Variants in KCNIP1 observed in about 807,000 individuals in gnomAD.
KCNIP1 encodes the protein potassium voltage-gated channel interacting protein 1, also known as A-type potassium channel modulatory protein KCNIP1.
Under a neutral mutation model 33.0 loss-of-function variants are expected in KCNIP1, and 18 were observed. The observed-to-expected ratio is 0.55, with a 90% confidence interval of 0.38 to 0.81. The LOEUF (loss-of-function observed/expected upper bound fraction) is 0.81, where lower values mean the gene tolerates loss of function less well. Ranked by LOEUF, KCNIP1 falls within the 30% of genes least tolerant of loss-of-function variation. The pLI is 0.00. For missense variants in KCNIP1, 238 were observed against 271.6 expected, an observed-to-expected ratio of 0.88 and a Z score of 0.87; for synonymous variants, 93 against 98.3, an observed-to-expected ratio of 0.95 and a Z score of 0.32.
intron 1 of KCNIP1, among the ~76,000 whole-genome samples, chr5:170,715,675 C>A (rs553842302): frequency 6.6e-6 from 1 of 152,196 alleles, no homozygotes; most frequent in Non-Finnish European, 1.5e-5. Context: ...GGCATGAGAA[C>A]GCTGAATGGC....
At chr5:170,545,305 T>C (rs1756370243) in intron 1 of KCNIP1, among the ~76,000 whole-genome samples, 1 of 152,220 alleles carries the variant, frequency 6.6e-6, no homozygotes, top group Non-Finnish European at 1.5e-5. Context: ...GAACTTCTCT[T>C]TACCTTTGTT....
At chr5:170,589,246 G>A (rs910710843) in intron 1 of KCNIP1, among the ~76,000 whole-genome samples, 55 of 151,998 alleles carry the variant, frequency 3.6e-4, no homozygotes, top group East Asian at 5.8e-4. Flanking sequence ...TGATCCACCC[G>A]CCTCGGCCTC....
At chr5:170,657,391 T>C (rs1046501239) in intron 1 of KCNIP1, among the ~76,000 whole-genome samples, 1 of 152,104 alleles carries the variant, frequency 6.6e-6, no homozygotes. Flanking sequence ...AGCTCTGATT[T>C]CAAGTCCCAG....
In KCNIP1 at chr5:170,685,513, G is replaced by A. The variant is rs181258530; in HGVS notation, c.62-33245G>A. Among the ~76,000 whole-genome samples the A allele has an allele frequency of 3.3e-5, 5 of 151,554 alleles. No individual in the cohort carries two copies. In the East Asian group the frequency reaches 7.8e-4, roughly 24 times the overall value. ...ATAATAAACTTATTTGTTTGAGACC[G>A]AGTCTCACTCTGTCGCCCAGGCTGA... On this transcript the variant is annotated intron_variant, in intron 1 of 7. Transcript: ENST00000328939.
chr5:170,439,059 G>A (rs551185143), intron 1 of KCNIP1, among the ~76,000 whole-genome samples: 1 of 152,236 alleles, frequency 6.6e-6, no homozygotes, highest in South Asian at 2.1e-4. Context: ...TAGTGGTAGG[G>A]TGGAGGGCTA....
At chr5:170,694,776 C>A (rs1267572961) in intron 1 of KCNIP1, among the ~76,000 whole-genome samples, 2 of 152,124 alleles carry the variant, frequency 1.3e-5, no homozygotes, top group African/African-American at 4.8e-5. Context: ...GTGACCATAA[C>A]ATGGCATTGC....
intron 1 of KCNIP1, among the ~76,000 whole-genome samples, chr5:170,676,608 C>T (rs1256652543): frequency 6.6e-6 from 1 of 152,144 alleles, no homozygotes; most frequent in Non-Finnish European, 1.5e-5. Flanking sequence ...TTAGTTTTTC[C>T]AAATGAGGTT....
chr5:170,550,415 C>G lies in KCNIP1; in HGVS notation c.61+45782C>G, dbSNP rs368019033. ...TGATTCATAATCCAGTGAATGTTAA[C>G]AGGAATGACGATGATGATTATGATG... On this transcript the variant is annotated intron_variant, in intron 1 of 7. Transcript: ENST00000328939. Among the ~76,000 whole-genome samples, 37 of 152,158 alleles carry G rather than the reference C, an allele frequency of 2.4e-4. 2 individuals carry two copies. Among genetic ancestry groups the G allele is most frequent in the African/African-American group, 8.9e-4 (37 of 41,502 alleles).
chr5:170,528,829 T>G (rs1323713630), intron 1 of KCNIP1, among the ~76,000 whole-genome samples: 2 of 152,224 alleles, frequency 1.3e-5, no homozygotes, highest in African/African-American at 4.8e-5. Context: ...GCGCTGTCTC[T>G]GTATGCATGT....
chr5:170,669,553 T>C (rs1761838816), intron 1 of KCNIP1: 1 of 985,022 alleles, frequency 1.0e-6, no homozygotes, highest in South Asian at 4.7e-5. Context: ...TTGATGGAAG[T>C]AGCAGGCTTC....
intron 1 of KCNIP1, among the ~76,000 whole-genome samples, chr5:170,362,965 T>C (rs1763554885): frequency 1.3e-5 from 2 of 152,206 alleles, no homozygotes; most frequent in African/African-American, 4.8e-5. Context: ...ACAACATCCC[T>C]GTGCTGATTA....
At chr5:170,725,809 T>A (rs1449550386) in intron 5 of KCNIP1, among the ~76,000 whole-genome samples, 3 of 151,968 alleles carry the variant, frequency 2.0e-5, no homozygotes, top group African/African-American at 7.3e-5. Flanking sequence ...CCACAAAAAT[T>A]AAAAATAAAA....
At chr5:170,625,288 C>T (rs1759778592) in intron 1 of KCNIP1, among the ~76,000 whole-genome samples, 1 of 152,192 alleles carries the variant, frequency 6.6e-6, no homozygotes, top group Admixed American at 6.5e-5. Flanking sequence ...GTACCTGAGG[C>T]TGCCTCCTGG....
intron 1 of KCNIP1, among the ~76,000 whole-genome samples, chr5:170,486,866 G>A: frequency 6.6e-6 from 1 of 152,148 alleles, no homozygotes; most frequent in Admixed American, 6.5e-5. Flanking sequence ...ACACGCCTGT[G>A]TACTTGTCTT....
At chr5:170,466,891 A>G (rs2135023) in intron 1 of KCNIP1, among the ~76,000 whole-genome samples, 13,533 of 152,286 alleles carry the variant, frequency 0.089, 705 homozygotes, top group East Asian at 0.26. Flanking sequence ...TTCAGTCTAT[A>G]GCAGGAGGAA....
chr5:170,625,190 G>C (rs1759773466), intron 1 of KCNIP1, among the ~76,000 whole-genome samples: 1 of 152,100 alleles, frequency 6.6e-6, no homozygotes, highest in African/African-American at 2.4e-5. Flanking sequence ...CTTCTTCAGA[G>C]CCCACGTGGC....
chr5:170,366,130 AG>A (rs1413512218), intron 1 of KCNIP1, among the ~76,000 whole-genome samples: 14 of 152,338 alleles, frequency 9.2e-5, no homozygotes, highest in Non-Finnish European at 1.3e-4. Flanking sequence ...GTTTTATTCT[AG>A]GGAGATGAGA....
chr5:170,707,715 A>G lies in KCNIP1; in HGVS notation c.62-11043A>G, dbSNP rs549377149. Among the ~76,000 whole-genome samples, 24 of 152,258 alleles carry G rather than the reference A, an allele frequency of 1.6e-4. No individual in the cohort carries two copies. In the South Asian group the frequency reaches 2.5e-3, roughly 16 times the overall value. ...GAGAAAGATCTGTCTACTGAAATAC[A>G]CTAAATATTGAAGAATTTCCAAGTC... On this transcript the variant is annotated intron_variant, in intron 1 of 7. Transcript: ENST00000328939.
rs1371663042 is a variant in KCNIP1, at chr5:170,489,223, G to A, written c.88+135259G>A. Reference sequence around the variant, plus strand: ...GGACGATGACTCCATCTGTCACCTCGGCACTTACCCCAAAAGATGGAGGAC... The same window carrying A: ...GGACGATGACTCCATCTGTCACCTCAGCACTTACCCCAAAAGATGGAGGAC... On this transcript the variant is annotated intron_variant, in intron 1 of 7. Transcript: ENST00000377360. This position sits in a 1 kb window ranked among gnomAD's most constrained non-coding sequence, Gnocchi z 4.3. Among the ~76,000 whole-genome samples, 3 of 152,164 alleles carry A rather than the reference G, an allele frequency of 2.0e-5. No homozygotes were observed. The highest frequency in any genetic ancestry group is 4.8e-5 in the African/African-American group (2 of 41,442).
Sources: gnomAD v4.1 joint callset for allele counts (sites outside exome capture counted in the v4.1 genomes callset) on GRCh38, gnomAD v4.1.1 for gene constraint, Gnocchi (gnomAD v3.1) non-coding constraint, MANE v1.5 for transcripts, NCBI Gene and HGNC (gene_info 2026-07-23, HGNC 2026-07-21) for gene names.